The following TRPM3 variants were observed in gnomAD, a reference collection of about 807,000 sequenced individuals.
TRPM3 encodes long transient receptor potential channel 3.
A neutral mutation model predicts 181.2 loss-of-function variants in TRPM3; 77 were observed. The ratio of observed to expected loss-of-function variants is 0.42; its 90% confidence interval spans 0.35 to 0.51. The LOEUF is 0.51. Among genes scored for constraint, TRPM3 ranks in the 20% least tolerant of loss-of-function variants. The probability of loss-of-function intolerance (pLI) is 0.01; values close to 1 mark genes in which losing one functional copy is unlikely to be tolerated. For missense variants in TRPM3, 1,759 were observed against 2,196.7 expected (o/e 0.80, Z 3.98); for synonymous variants, 745 against 796.4 (o/e 0.94, Z 1.09).
chr9:71,123,210 G>A (rs1285604240), upstream of TRPM3, among the ~76,000 whole-genome samples: 2 of 152,092 alleles, frequency 1.3e-5, no homozygotes, highest in Non-Finnish European at 2.9e-5. Flanking sequence ...CTGTTTTTTG[G>A]TAATTTAATC....
chr9:70,763,201 A>G (rs2078473204), intron 7 of TRPM3, among the ~76,000 whole-genome samples: 1 of 152,114 alleles, frequency 6.6e-6, no homozygotes, highest in Non-Finnish European at 1.5e-5. Flanking sequence ...CAAAGTGTAT[A>G]TTCTATATCA....
At chr9:71,028,629 T>C (rs1342633686) in intron 1 of TRPM3, among the ~76,000 whole-genome samples, 10 of 112,284 alleles carry the variant, frequency 8.9e-5, no homozygotes, top group Non-Finnish European at 1.7e-4. Flanking sequence ...ATCTACCAAA[T>C]GAAAAAAAAA....
intron 1 of TRPM3, among the ~76,000 whole-genome samples, chr9:71,343,791 G>T (rs1029352626): frequency 1.3e-5 from 2 of 152,006 alleles, no homozygotes; most frequent in African/African-American, 4.8e-5. Flanking sequence ...TGAAGAAATT[G>T]ATTATTCCAG....
chr9:71,272,106 G>A (rs1330801474), intron 1 of TRPM3, among the ~76,000 whole-genome samples: 1 of 152,174 alleles, frequency 6.6e-6, no homozygotes, highest in Non-Finnish European at 1.5e-5. Context: ...AAACCCCGCA[G>A]GTAGTAAATA....
intron 1 of TRPM3, among the ~76,000 whole-genome samples, chr9:71,352,733 C>T (rs893127760): frequency 6.6e-6 from 1 of 152,122 alleles, no homozygotes; most frequent in Admixed American, 6.5e-5. Flanking sequence ...CAGTTGTTTC[C>T]CTGGCTGGCC....
intron 7 of TRPM3, among the ~76,000 whole-genome samples, chr9:70,773,087 CAGG>C (rs1434928947): frequency 1.3e-5 from 2 of 152,176 alleles, no homozygotes; most frequent in Non-Finnish European, 2.9e-5. Context: ...CACTTACTCA[CAGG>C]AGAAGTTACC....
rs1022574695 is a variant in TRPM3 at position 70,529,261 on chromosome 9, G to A, written c.*6692C>T. On this transcript the variant is annotated 3_prime_UTR_variant, in exon 26 of 26. Coordinates refer to ENST00000677713, the MANE Select transcript of TRPM3 (RefSeq NM_001366145.2). ...AGGATTTATATATATTTATAGTGTC[G>A]ATAGATATGCATACCGTGGTCCATC... The A allele has an allele frequency of 6.6e-5, 10 of 152,194 alleles. No individual in the cohort carries two copies. Among genetic ancestry groups the A allele is most frequent in the Admixed American group, 4.6e-4 (7 of 15,272 alleles). The allele number at this position is 152,194 out of a possible 1,614,324, so 9.4% of individuals were successfully genotyped here. A position where few individuals can be genotyped will look rare whatever the true frequency, so the allele number is the denominator to read the frequency against.
At chr9:71,173,550 C>T (rs970326675) in intron 1 of TRPM3, among the ~76,000 whole-genome samples, 1 of 152,174 alleles carries the variant, frequency 6.6e-6, no homozygotes, top group East Asian at 1.9e-4. Flanking sequence ...AATATAGGTG[C>T]AAGTGCTGCC....
At chr9:71,121,639 C>T (rs890202042), upstream of TRPM3, 34 of 1,174,922 alleles carry the variant, frequency 2.9e-5, no homozygotes, top group African/African-American at 1.4e-4. Flanking sequence ...CCCTCTCCCG[C>T]TCTCCTCCCA....
chr9:70,864,341 G>T, intron 2 of TRPM3, 91 bp downstream of exon 2: 1 of 826,272 alleles, frequency 1.2e-6, no homozygotes, highest in Non-Finnish European at 1.8e-6. Flanking sequence ...TAATTTGACA[G>T]TGTTTCCCTT....
intron 1 of TRPM3, among the ~76,000 whole-genome samples, chr9:71,215,686 T>A (rs2079820692): frequency 6.6e-6 from 1 of 152,240 alleles, no homozygotes; most frequent in African/African-American, 2.4e-5. Context: ...TAAAATTGAA[T>A]GAAATCTCCA....
intron 1 of TRPM3, among the ~76,000 whole-genome samples, chr9:71,301,571 G>T (rs2086780859): frequency 6.6e-6 from 1 of 152,010 alleles, no homozygotes; most frequent in African/African-American, 2.4e-5. Context: ...CATTTTCTTG[G>T]TTATCTGGTT....
chr9:71,242,453 C>T (rs1319016691), intron 1 of TRPM3, among the ~76,000 whole-genome samples: 1 of 152,150 alleles, frequency 6.6e-6, no homozygotes, highest in African/African-American at 2.4e-5. Context: ...CTTCTGTTAA[C>T]AGAATGAAAT....
At chr9:71,410,755 T>G (rs940134994) in intron 1 of TRPM3, among the ~76,000 whole-genome samples, 1 of 152,186 alleles carries the variant, frequency 6.6e-6, no homozygotes, top group Non-Finnish European at 1.5e-5. Context: ...CTAATTCATT[T>G]TATGAGGCCA....
intron 9 of TRPM3, among the ~76,000 whole-genome samples, chr9:70,643,012 C>T (rs938198895): frequency 6.6e-6 from 1 of 152,124 alleles, no homozygotes; most frequent in African/African-American, 2.4e-5. Context: ...TTCTGGTGTC[C>T]ACACATTGAT....
At chr9:71,230,102 T>C (rs537629269) in intron 1 of TRPM3, among the ~76,000 whole-genome samples, 1 of 152,104 alleles carries the variant, frequency 6.6e-6, no homozygotes, top group African/African-American at 2.4e-5. Context: ...AATGGAGGCA[T>C]AAAAAGAATG....
At chr9:71,293,402 T>C (rs1042068821) in intron 1 of TRPM3, among the ~76,000 whole-genome samples, 1 of 151,976 alleles carries the variant, frequency 6.6e-6, no homozygotes, top group Admixed American at 6.6e-5. Flanking sequence ...TTCCAAATTA[T>C]TAAAATAAAG....
chr9:70,998,856 T>C (rs2097570884), intron 1 of TRPM3, among the ~76,000 whole-genome samples: 1 of 152,242 alleles, frequency 6.6e-6, no homozygotes, highest in Admixed American at 6.5e-5. Flanking sequence ...ATGGTCTTTA[T>C]GTCCTCTTTA....
intron 1 of TRPM3, among the ~76,000 whole-genome samples, chr9:71,093,414 A>C (rs2066563724): frequency 6.6e-6 from 1 of 152,180 alleles, no homozygotes; most frequent in South Asian, 2.1e-4. Context: ...ACCCATCAAA[A>C]AGTGGGTGAA....
Sources: allele counts gnomAD v4.1 joint callset (sites outside exome capture counted in the v4.1 genomes callset), GRCh38; gene constraint gnomAD v4.1.1; transcripts MANE v1.5; gene names NCBI Gene and HGNC (gene_info 2026-07-23, HGNC 2026-07-21).